Variants in OR8B2 observed in about 807,000 individuals in gnomAD.
OR8B2 encodes olfactory receptor family 8 subfamily B member 2, also known as olfactory receptor 8B2.
For synonymous variants in OR8B2, 98 were observed against 138.2 expected, an observed-to-expected ratio of 0.71 and a Z score of 2.04; for missense variants, 304 against 379.6, an observed-to-expected ratio of 0.80 and a Z score of 1.65.
Position 124,383,201 on chromosome 11 carries a change from A to G in OR8B2, c.143T>C (p.Leu48Pro), listed in dbSNP as rs1206095390. Reference protein sequence around the residue: ...TMVGNLGLITLFGLNSHLHTP... With the variant: ...TMVGNLGLITPFGLNSHLHTP... ...GTGGAGGTGAGAATTTAGACCGAAA[A>G]GAGTGATCAAGCCAAGGTTGCCTAC... is the stretch of plus-strand genomic sequence containing the variant. The change falls in exon 2 of 2, where the codon CTT becomes CCT. Residue 48 changes from leucine to proline, a missense_variant. Physicochemically the swap from Leu to Pro is moderately conservative, Grantham distance 98. Coordinates refer to ENST00000641451, the MANE Select transcript of OR8B2 (RefSeq NM_001005468.2). 3 of 1,614,006 alleles carry G rather than the reference A, an allele frequency of 1.9e-6. No homozygotes were observed. The highest frequency in any genetic ancestry group is 2.5e-6 in the Non-Finnish European group (3 of 1,179,872).
intron 1 of OR8B2, among the ~76,000 whole-genome samples, chr11:124,383,789 C>G (rs1223055597): frequency 6.6e-5 from 10 of 152,172 alleles, no homozygotes; most frequent in Non-Finnish European, 1.5e-4. Context: ...TACTGATATT[C>G]TGTTTCCTAG....
chr11:124,385,950 A>C (rs1452164270), upstream of OR8B2, among the ~76,000 whole-genome samples: 1 of 152,036 alleles, frequency 6.6e-6, no homozygotes, highest in African/African-American at 2.4e-5. Flanking sequence ...TAATTCTTAA[A>C]CAGACTTTTA....
chr11:124,393,163 A>G, the OR8B2 span, among the ~76,000 whole-genome samples: 1 of 147,676 alleles, frequency 6.8e-6, no homozygotes, highest in Admixed American at 6.7e-5. Flanking sequence ...CAAAAACCCT[A>G]GAAGAAAACC....
the OR8B2 span, among the ~76,000 whole-genome samples, chr11:124,389,978 G>A: frequency 6.6e-6 from 1 of 152,118 alleles, no homozygotes; most frequent in African/African-American, 2.4e-5. Flanking sequence ...ACCACTCCCA[G>A]AACTCGTGGA....
chr11:124,395,623 C>T, the OR8B2 span: 76 of 152,180 alleles, frequency 5.0e-4, no homozygotes, highest in African/African-American at 1.5e-3. Flanking sequence ...AGGAACTACA[C>T]GCTTTTTTCA....
the OR8B2 span, chr11:124,396,154 G>T: frequency 2.6e-6 from 1 of 379,268 alleles, no homozygotes; most frequent in Admixed American, 4.3e-5. Context: ...AGAGAGGAAG[G>T]ATATAAAATG....
At chr11:124,394,583 C>T in the OR8B2 span, among the ~76,000 whole-genome samples, 1 of 152,174 alleles carries the variant, frequency 6.6e-6, no homozygotes, top group African/African-American at 2.4e-5. Flanking sequence ...AGAAAAGATA[C>T]ATGTTAGATG....
chr11:124,393,943 A>T, the OR8B2 span, among the ~76,000 whole-genome samples: 1 of 151,354 alleles, frequency 6.6e-6, no homozygotes, highest in Non-Finnish European at 1.5e-5. Context: ...TGATGAGTTC[A>T]TGTCCTTTGT....
the OR8B2 span, chr11:124,396,825 T>C: frequency 1.2e-6 from 2 of 1,611,336 alleles, no homozygotes; most frequent in Non-Finnish European, 8.5e-7. Flanking sequence ...ACACAAGTAA[T>C]GGTTGATGAT....
At chr11:124,388,005 TA>T (rs1329094758), upstream of OR8B2, among the ~76,000 whole-genome samples, 2 of 151,882 alleles carry the variant, frequency 1.3e-5, no homozygotes, top group Non-Finnish European at 2.9e-5. Flanking sequence ...CTAGGTATTT[TA>T]TTCTCTTTGA....
chr11:124,383,131 G>A lies in OR8B2; in HGVS notation c.213C>T (p.Leu71=). 1 of 1,613,898 alleles carries A rather than the reference G, an allele frequency of 6.2e-7. No individual in the cohort carries two copies. The highest frequency in any genetic ancestry group is 8.5e-7 in the Non-Finnish European group (1 of 1,179,822). Residue 71 remains leucine (L), a synonymous_variant, in exon 2 of 2, where the codon CTC becomes CTT. Transcript: ENST00000641451. Reference sequence around the variant, plus strand: ...TGGGAGTGAAAACAGAGGAGTAACAGAGATCAATGAAGGAGAGATTGAAGA... The same window carrying A: ...TGGGAGTGAAAACAGAGGAGTAACAAAGATCAATGAAGGAGAGATTGAAGA... ...YFLFNLSFID[L]CYSSVFTPKM...
At chr11:124,386,242 A>T (rs1001574328), upstream of OR8B2, among the ~76,000 whole-genome samples, 6 of 141,440 alleles carry the variant, frequency 4.2e-5, no homozygotes, top group African/African-American at 8.0e-5. Context: ...TTCCCTTCTG[A>T]TTTGCTTCAT....
upstream of OR8B2, among the ~76,000 whole-genome samples, chr11:124,387,442 G>T (rs1240918301): frequency 6.6e-6 from 1 of 151,934 alleles, no homozygotes; most frequent in East Asian, 1.9e-4. Context: ...TGTATAAGGT[G>T]TAAGGAAGGG....
upstream of OR8B2, among the ~76,000 whole-genome samples, chr11:124,385,657 G>A (rs1234325704): frequency 2.5e-4 from 36 of 143,906 alleles, no homozygotes; most frequent in African/African-American, 9.1e-4. Context: ...TAAAGACAGG[G>A]TCCTACTCTG....
the OR8B2 span, chr11:124,396,219 T>C: frequency 1.8e-6 from 1 of 565,156 alleles, no homozygotes; most frequent in Non-Finnish European, 3.1e-6. Context: ...ATGACCTATT[T>C]AGTAAAATTG....
At chr11:124,390,646 A>G in the OR8B2 span, among the ~76,000 whole-genome samples, 1 of 152,204 alleles carries the variant, frequency 6.6e-6, no homozygotes. Flanking sequence ...GTTGAGATAT[A>G]TATGTGGACA....
chr11:124,386,381 A>G (rs1860701000), upstream of OR8B2, among the ~76,000 whole-genome samples: 1 of 138,890 alleles, frequency 7.2e-6, no homozygotes, highest in Non-Finnish European at 1.6e-5. Context: ...AGCATTAGGT[A>G]TATCTCCTAA....
chr11:124,382,831 A>C lies in OR8B2; in HGVS notation c.513T>G (p.Ala171=), dbSNP rs756115584. The C allele has an allele frequency of 6.2e-7, 1 of 1,603,768 alleles. No homozygotes were observed. The highest frequency in any genetic ancestry group is 1.3e-5 in the African/African-American group (1 of 74,580). Residue 171 remains alanine (A), a synonymous_variant, in exon 2 of 2, where the codon GCT becomes GCG. Transcript: ENST00000641451. Reference sequence around the variant, plus strand: ...CACACAAGTAATGGTTGATGATATTAGCACTGCAGAAGGTGAGTCTAAGCA... The same window carrying C: ...CACACAAGTAATGGTTGATGATATTCGCACTGCAGAAGGTGAGTCTAAGCA... ...GCMLRLTFCS[A]NIINHYLCDI...
chr11:124,382,742 A>G lies in OR8B2; in HGVS notation c.602T>C (p.Ile201Thr), dbSNP rs1165539580. ...STYVNEVVVL[I>T]VVGTNITVPS... ...TACCGTGATATTAGTACCCACAACAATGAGAACAACCACCTCGTTGACATA... is the reference window on the plus strand; with the variant it reads ...TACCGTGATATTAGTACCCACAACAGTGAGAACAACCACCTCGTTGACATA... Residue 201 changes from isoleucine (I) to threonine (T), a missense_variant, in exon 2 of 2, where the codon ATT becomes ACT. Transcript: ENST00000641451. 1.6e-5 allele frequency: 26 copies of G among 1,613,768 alleles called. No individual in the cohort carries two copies. The highest frequency in any genetic ancestry group is 2.1e-5 in the Non-Finnish European group (25 of 1,179,842).
Sources: gnomAD v4.1 joint callset for allele counts (sites outside exome capture counted in the v4.1 genomes callset) on GRCh38, gnomAD v4.1.1 for gene constraint, MANE v1.5 for transcripts, NCBI Gene and HGNC (gene_info 2026-07-23, HGNC 2026-07-21) for gene names.